The following APLF variants were observed in gnomAD, a reference collection of about 807,000 sequenced individuals.
The protein encoded by APLF is aprataxin and PNK-like factor.
A neutral mutation model predicts 55.6 loss-of-function variants in APLF; 61 were observed. The ratio of observed to expected loss-of-function variants is 1.10; its 90% confidence interval spans 0.89 to 1.36. The LOEUF is 1.36. Among genes scored for constraint, APLF ranks in the 40% most tolerant of loss-of-function variants. The pLI, the probability that APLF is intolerant of heterozygous loss-of-function variation, is 0.00. For missense variants in APLF, 611 were observed against 602.5 expected (o/e 1.01, Z -0.15); for synonymous variants, 207 against 214.8 (o/e 0.96, Z 0.32).
intron 2 of APLF, among the ~76,000 whole-genome samples, chr2:68,497,351 T>C (rs1196996577): frequency 1.3e-5 from 2 of 152,020 alleles, no homozygotes; most frequent in East Asian, 1.9e-4. Flanking sequence ...TGGGAGGTGA[T>C]TGGATCATGG....
intron 3 of APLF, among the ~76,000 whole-genome samples, chr2:68,506,672 A>G (rs1676879887): frequency 1.3e-5 from 2 of 152,006 alleles, no homozygotes; most frequent in African/African-American, 4.8e-5. Flanking sequence ...GTGGGATCCA[A>G]ACTCAAGCCA....
At chr2:68,517,562 A>G (rs892498381) in intron 5 of APLF, among the ~76,000 whole-genome samples, 1 of 143,346 alleles carries the variant, frequency 7.0e-6, no homozygotes, top group Non-Finnish European at 1.5e-5. Context: ...TGTTAATAAC[A>G]TATAACAATA....
chr2:68,528,935 C>A, intron 6 of APLF: 1 of 1,521,972 alleles, frequency 6.6e-7, no homozygotes, highest in Non-Finnish European at 8.8e-7. Context: ...GCTACAGGGG[C>A]CCCTTTTATT....
intron 6 of APLF, among the ~76,000 whole-genome samples, chr2:68,531,904 T>C (rs867453306): frequency 6.6e-6 from 1 of 152,216 alleles, no homozygotes; most frequent in Non-Finnish European, 1.5e-5. Context: ...CAAGGGAGTA[T>C]TACAACCAGG....
At chr2:68,503,217 A>C (rs915081050) in intron 3 of APLF, among the ~76,000 whole-genome samples, 3 of 152,188 alleles carry the variant, frequency 2.0e-5, no homozygotes, top group Non-Finnish European at 4.4e-5. Flanking sequence ...CAATATAGTT[A>C]ATTCGAAATT....
chr2:68,486,807 G>A (rs112089890), intron 1 of APLF, among the ~76,000 whole-genome samples: 2,034 of 152,118 alleles, frequency 0.013, 49 homozygotes, highest in African/African-American at 0.045. Flanking sequence ...ACTTTTTATG[G>A]CTTTCTAAGA....
intron 2 of APLF, among the ~76,000 whole-genome samples, chr2:68,497,602 T>C (rs529273284): frequency 6.6e-6 from 1 of 151,944 alleles, no homozygotes; most frequent in Admixed American, 6.6e-5. Flanking sequence ...TTTAAATAAA[T>C]TACCCAGTCT....
chr2:68,538,123 C>CA lies in APLF; in HGVS notation c.1058dup (p.Asn353LysfsTer3). 6.2e-7 allele frequency: 1 copy of CA among 1,614,096 alleles called. No individual in the cohort carries two copies. Among genetic ancestry groups the CA allele is most frequent in the Non-Finnish European group, 8.5e-7 (1 of 1,179,996 alleles). ...ATTCTGAGTCCAGCTCTAATCCCTC[C>CA]AATCCTGAAACTTTGCATGCAAAGG... On this transcript the variant is annotated frameshift_variant, in exon 7 of 10. Coordinates refer to ENST00000303795, the MANE Select transcript of APLF (RefSeq NM_173545.3). LOFTEE classifies it high-confidence loss of function.
At position 68,490,173 on chromosome 2, in the gene APLF, A is replaced by T. The variant is rs759006648; in HGVS notation, c.97-17A>T. 6.4e-7 allele frequency: 1 copy of T among 1,560,086 alleles called. No individual in the cohort carries two copies. Among genetic ancestry groups the T allele is most frequent in the South Asian group, 1.2e-5 (1 of 81,728 alleles). On this transcript the variant is annotated splice_polypyrimidine_tract_variant and intron_variant, in intron 1 of 9. Transcript: ENST00000303795. The stretch of plus-strand genomic sequence containing the variant: ...GGAGGTGGCTATTCTTAATCTTTTA[A>T]TTTTTTTACTGTATAGATAACAGAC...
chr2:68,556,859 A>T (rs568301724), intron 8 of APLF, among the ~76,000 whole-genome samples: 1 of 152,284 alleles, frequency 6.6e-6, no homozygotes, highest in African/African-American at 2.4e-5. Context: ...CTCTCAGTGT[A>T]ATACTGAATC....
At chr2:68,474,007 G>A (rs1675697434) in intron 1 of APLF, among the ~76,000 whole-genome samples, 1 of 152,168 alleles carries the variant, frequency 6.6e-6, no homozygotes, top group Non-Finnish European at 1.5e-5. Flanking sequence ...TGAACCACTG[G>A]ATGTAAACCA....
intron 9 of APLF, among the ~76,000 whole-genome samples, chr2:68,577,170 G>A (rs759898179): frequency 5.3e-5 from 8 of 152,188 alleles, no homozygotes; most frequent in Non-Finnish European, 1.2e-4. Flanking sequence ...ACGCCCTGAT[G>A]TGTCAGCAAG....
chr2:68,476,852 G>C (rs978060530), intron 1 of APLF, among the ~76,000 whole-genome samples: 1 of 152,148 alleles, frequency 6.6e-6, no homozygotes, highest in African/African-American at 2.4e-5. Context: ...TGTGAATACA[G>C]TTAACCCTGA....
chr2:68,579,377 T>C lies in APLF; in HGVS notation c.*1355T>C, dbSNP rs1671710438. The C allele has an allele frequency of 1.0e-6, 1 of 980,378 alleles. No homozygotes were observed. The highest frequency in any genetic ancestry group is 1.8e-5 in the African/African-American group (1 of 57,132). 60.7% of individuals were successfully genotyped at this position (980,378 alleles called of 1,614,324 possible). ...TAGTATAACAAATCTACGAATGTAA[T>C]ATTTAACTTATTCTCATCCCTGCCA... On this transcript the variant is annotated 3_prime_UTR_variant, in exon 10 of 10. Transcript: ENST00000303795.
chr2:68,521,047 A>G (rs765233324), intron 5 of APLF, among the ~76,000 whole-genome samples: 9 of 151,518 alleles, frequency 5.9e-5, no homozygotes, highest in Non-Finnish European at 8.9e-5. Flanking sequence ...TTGGTTAGGT[A>G]TATTCCTGTT....
intron 6 of APLF, chr2:68,528,324 G>A (rs953005098): frequency 5.7e-5 from 82 of 1,446,744 alleles, no homozygotes; most frequent in Middle Eastern, 2.4e-4. Context: ...ATGTTCTTAC[G>A]CATGTTGCCC....
chr2:68,472,102 G>A (rs1444070367), intron 1 of APLF, among the ~76,000 whole-genome samples: 3 of 152,232 alleles, frequency 2.0e-5, no homozygotes, highest in Non-Finnish European at 4.4e-5. Flanking sequence ...CAAAGGAAAT[G>A]TTCAGGTTAA....
chr2:68,554,080 T>C (rs1670940879), intron 8 of APLF, among the ~76,000 whole-genome samples: 1 of 152,046 alleles, frequency 6.6e-6, no homozygotes, highest in Non-Finnish European at 1.5e-5. Flanking sequence ...TTCCAAGTAT[T>C]GTCTTATAGG....
intron 6 of APLF, among the ~76,000 whole-genome samples, chr2:68,534,655 T>C (rs1222197976): frequency 6.6e-6 from 1 of 152,174 alleles, no homozygotes; most frequent in Admixed American, 6.5e-5. Context: ...ATATTTACAT[T>C]GTAGGGGATT....
Sources: gnomAD v4.1 joint callset for allele counts (sites outside exome capture counted in the v4.1 genomes callset) on GRCh38, gnomAD v4.1.1 for gene constraint, MANE v1.5 for transcripts, NCBI Gene and HGNC (gene_info 2026-07-23, HGNC 2026-07-21) for gene names.